The following SRP54 variants were observed in gnomAD, a reference collection of about 807,000 sequenced individuals.
The protein encoded by SRP54 is signal recognition particle 54, also known as signal recognition particle subunit SRP54.
Under a neutral mutation model 64.8 loss-of-function variants are expected in SRP54, and 10 were observed. That is an observed-to-expected ratio of 0.15 (90% CI 0.10 to 0.26). SRP54 has a LOEUF of 0.26. Among genes scored for constraint, SRP54 ranks in the 10% least tolerant of loss-of-function variants. The probability of loss-of-function intolerance (pLI) is 1.00; values close to 1 mark genes in which losing one functional copy is unlikely to be tolerated. For synonymous variants in SRP54, 193 were observed against 185.6 expected, an observed-to-expected ratio of 1.04 and a Z score of -0.32; for missense variants, 325 against 613.7, an observed-to-expected ratio of 0.53 and a Z score of 4.97.
intron 7 of SRP54, among the ~76,000 whole-genome samples, 167 bp downstream of exon 7, chr14:35,008,998 T>C (rs1336753409): frequency 6.6e-6 from 1 of 150,626 alleles, no homozygotes; most frequent in South Asian, 2.1e-4. Flanking sequence ...GTGATTCTCC[T>C]GTCTCAGCTT....
intron 14 of SRP54, among the ~76,000 whole-genome samples, chr14:35,024,873 C>T (rs989036999): frequency 6.6e-6 from 1 of 152,004 alleles, no homozygotes; most frequent in Non-Finnish European, 1.5e-5. Flanking sequence ...ATTTCAAGCA[C>T]GTGCCACCAT....
intron 2 of SRP54, among the ~76,000 whole-genome samples, chr14:34,998,138 G>A: frequency 6.6e-6 from 1 of 152,272 alleles, no homozygotes. Context: ...GCCTCTCTCT[G>A]TAGGGCATAT....
intron 4 of SRP54, among the ~76,000 whole-genome samples, chr14:35,002,230 T>A (rs980337210): frequency 6.6e-6 from 1 of 151,936 alleles, no homozygotes; most frequent in Non-Finnish European, 1.5e-5. Flanking sequence ...GGTGCACATC[T>A]GTAGTTCCAG....
chr14:35,026,037 CAG>C (rs1373706764), intron 14 of SRP54, among the ~76,000 whole-genome samples: 2 of 141,612 alleles, frequency 1.4e-5, no homozygotes, highest in East Asian at 4.1e-4. Flanking sequence ...GCCTGGGCGA[CAG>C]AGCAAGAGCC....
chr14:35,014,871 C>A, intron 11 of SRP54, 41 bp downstream of exon 11: 2 of 1,472,694 alleles, frequency 1.4e-6, no homozygotes, highest in Non-Finnish European at 1.9e-6. Flanking sequence ...CAGATTTCTT[C>A]CATTGATTTT....
At chr14:35,014,233 G>T (rs2044400837) in intron 10 of SRP54, among the ~76,000 whole-genome samples, 1 of 151,264 alleles carries the variant, frequency 6.6e-6, no homozygotes. Context: ...GTTAAACCCT[G>T]GGCTGCAGTC....
At position 35,028,068 on chromosome 14, in the gene SRP54, C is replaced by CT. The variant is rs369411374; in HGVS notation, c.1328-9dup. ...ATTACCTCCTACGCTGACTCAAAAT[C>CT]TTTTTTTTTTTCCCCTCAGGTGGCG... is the stretch of plus-strand genomic sequence containing the variant. On this transcript the variant is annotated intron_variant, in intron 14 of 15. Transcript: ENST00000216774. The CT allele has an allele frequency of 0.013, 15,438 of 1,210,614 alleles. 1 individual carries two copies. Among genetic ancestry groups the CT allele is most frequent in the South Asian group, 0.016 (1,054 of 66,012 alleles). The allele number at this position is 1,210,614 out of a possible 1,614,324, so 75.0% of individuals were successfully genotyped here. A position where few individuals can be genotyped will look rare whatever the true frequency, so the allele number is the denominator to read the frequency against.
intron 13 of SRP54, chr14:35,019,323 G>A (rs1348069456): frequency 3.4e-6 from 1 of 293,654 alleles, no homozygotes; most frequent in Non-Finnish European, 6.5e-6. Context: ...AGTTCTTCAT[G>A]ATGTTCATAG....
intron 11 of SRP54, among the ~76,000 whole-genome samples, chr14:35,016,680 CTG>C (rs1348805109): frequency 2.0e-4 from 31 of 152,182 alleles, no homozygotes; most frequent in Middle Eastern, 3.4e-3. Context: ...TATTTGATGT[CTG>C]TTTTTCCTGC....
At chr14:34,985,202 G>A (rs72680630) in intron 1 of SRP54, among the ~76,000 whole-genome samples, 3,312 of 152,196 alleles carry the variant, frequency 0.022, 43 homozygotes, top group East Asian at 0.035. Context: ...GCTTAGTGGC[G>A]CCGCCTGTAG....
At chr14:34,997,378 T>G (rs876144) in intron 2 of SRP54, among the ~76,000 whole-genome samples, 30,717 of 152,142 alleles carry the variant, frequency 0.2, 3,682 homozygotes, top group Non-Finnish European at 0.28. Flanking sequence ...TAGTGGTTTA[T>G]TAATTGAAAA....
intron 5 of SRP54, 77 bp from the exon 6 acceptor site, chr14:35,008,550 A>G (rs1197784438): frequency 4.0e-6 from 4 of 995,808 alleles, no homozygotes; most frequent in Non-Finnish European, 5.5e-6. Context: ...GGTAAATAAT[A>G]AGGAAAAACA....
intron 5 of SRP54, among the ~76,000 whole-genome samples, chr14:35,007,615 A>G (rs891735135): frequency 1.5e-5 from 2 of 135,206 alleles, no homozygotes; most frequent in African/African-American, 5.2e-5. Context: ...TACATAAAAT[A>G]TATTTTATTA....
intron 1 of SRP54, among the ~76,000 whole-genome samples, chr14:34,994,371 A>G (rs2044032775): frequency 6.6e-6 from 1 of 152,172 alleles, no homozygotes; most frequent in African/African-American, 2.4e-5. Flanking sequence ...GGTTGACTAA[A>G]TTAGACTACA....
At chr14:34,990,867 A>G (rs1208426565) in intron 1 of SRP54, among the ~76,000 whole-genome samples, 1 of 152,172 alleles carries the variant, frequency 6.6e-6, no homozygotes, top group African/African-American at 2.4e-5. Context: ...CTTTTGATTC[A>G]TCATATTATC....
intron 2 of SRP54, among the ~76,000 whole-genome samples, chr14:34,998,225 A>G (rs2044100683): frequency 6.6e-6 from 1 of 152,218 alleles, no homozygotes. Context: ...TGCTGGCACC[A>G]GAGATACAGC....
chr14:35,002,737 C>CTTTTTT (rs71121258), intron 4 of SRP54, among the ~76,000 whole-genome samples: 1 of 95,010 alleles, frequency 1.1e-5, no homozygotes, highest in Non-Finnish European at 2.0e-5. Flanking sequence ...GCCTGGCCTC[C>CTTTTTT]TTTTTTTTTT....
rs1252443582 is a variant in SRP54, at chr14:35,008,842, G to A, written c.485+11G>A. 7 of 1,282,418 alleles carry A rather than the reference G, an allele frequency of 5.5e-6. No individual in the cohort carries two copies. Among genetic ancestry groups the A allele is most frequent in the African/African-American group, 1.6e-5 (1 of 63,840 alleles). 79.4% of individuals were successfully genotyped at this position (1,282,418 alleles called of 1,614,324 possible). A position where few individuals can be genotyped will look rare whatever the true frequency, so the allele number is the denominator to read the frequency against. On this transcript the variant is annotated intron_variant, in intron 7 of 15. Coordinates refer to ENST00000216774, the MANE Select transcript of SRP54 (RefSeq NM_003136.4). Reference sequence around the variant, plus strand: ...TCCATTTTATGGAAGGTAGGTTACTGTTTTTTATTTTAACACTTATATCCC... The same window carrying A: ...TCCATTTTATGGAAGGTAGGTTACTATTTTTTATTTTAACACTTATATCCC...
At chr14:35,013,584 T>C (rs1191697035) in intron 9 of SRP54, 90 bp downstream of exon 9, 3 of 1,430,676 alleles carry the variant, frequency 2.1e-6, no homozygotes, top group Non-Finnish European at 2.9e-6. Flanking sequence ...ATTTAAAATA[T>C]GTTTCAATAG....
Sources: allele counts gnomAD v4.1 joint callset (sites outside exome capture counted in the v4.1 genomes callset), GRCh38; gene constraint gnomAD v4.1.1; transcripts MANE v1.5; gene names NCBI Gene and HGNC (gene_info 2026-07-23, HGNC 2026-07-21).